The following KDM3A variants were observed in gnomAD, a reference collection of about 807,000 sequenced individuals.
KDM3A encodes the protein lysine demethylase 3A.
In KDM3A, 60 loss-of-function variants were observed where a neutral mutation model predicts 158.0. That is an observed-to-expected ratio of 0.38 (90% CI 0.31 to 0.47). The LOEUF (loss-of-function observed/expected upper bound fraction) is 0.47, where lower values mean the gene tolerates loss of function less well. KDM3A is among the 20% of genes least tolerant of loss of function. KDM3A has a pLI of 0.99. For synonymous variants in KDM3A, 608 were observed against 549.3 expected, an observed-to-expected ratio of 1.11 and a Z score of -1.49; for missense variants, 1,319 against 1,574.3, an observed-to-expected ratio of 0.84 and a Z score of 2.74.
At chr2:86,469,651 C>T (rs890968869) in intron 10 of KDM3A, among the ~76,000 whole-genome samples, 1 of 152,158 alleles carries the variant, frequency 6.6e-6, no homozygotes. Context: ...GGAGACATGT[C>T]AGGAGTCAAG....
At chr2:86,456,416 ATTTT>A (rs11431031) in intron 5 of KDM3A, 22 bp from the exon 6 acceptor site, 209 of 1,057,058 alleles carry the variant, frequency 2.0e-4, no homozygotes, top group South Asian at 3.0e-4. Flanking sequence ...TTGCTCTAAG[ATTTT>A]TTTTTTTTTT....
chr2:86,453,015 A>G (rs1008894367), intron 4 of KDM3A, among the ~76,000 whole-genome samples: 13 of 152,170 alleles, frequency 8.5e-5, no homozygotes, highest in Non-Finnish European at 1.5e-4. Flanking sequence ...ATTTTGCTTT[A>G]CTGAGTAATA....
intron 8 of KDM3A, among the ~76,000 whole-genome samples, chr2:86,462,168 T>C (rs552209286): frequency 6.6e-6 from 1 of 151,944 alleles, no homozygotes; most frequent in East Asian, 1.9e-4. Context: ...GATTTATTGG[T>C]TTATTGATTA....
In KDM3A at chr2:86,491,036, C is replaced by T; in HGVS notation, c.3729C>T (p.Ile1243=). 1 of 1,613,780 alleles carries T rather than the reference C, an allele frequency of 6.2e-7. No homozygotes were observed. The highest frequency in any genetic ancestry group is 1.1e-5 in the South Asian group (1 of 91,014). ...IVQFLGDVVF[I]PAGAPHQVHN... ...AGTTTCTTGGGGATGTGGTGTTTAT[C>T]CCGGCAGGAGCTCCACATCAGGCAA... Residue 1243 remains isoleucine, a synonymous_variant, in exon 24 of 26, where the codon ATC becomes ATT. Coordinates refer to ENST00000312912, the MANE Select transcript of KDM3A (RefSeq NM_018433.6).
intron 8 of KDM3A, among the ~76,000 whole-genome samples, chr2:86,462,094 T>C (rs898869764): frequency 2.6e-5 from 4 of 152,050 alleles, no homozygotes; most frequent in Non-Finnish European, 5.9e-5. Flanking sequence ...AGGGGAAAGA[T>C]GGTAGTAGTA....
At position 86,449,789 on chromosome 2, in the gene KDM3A, C is replaced by G. The variant is rs1205315066; in HGVS notation, c.187-18C>G. ...AAATTGAATCTGCTTCCCCCACCCC[C>G]CAATTTTGTCTGTCTAGGTGTGTGT... On this transcript the variant is annotated intron_variant, in intron 2 of 25. Coordinates refer to ENST00000312912, the MANE Select transcript of KDM3A (RefSeq NM_018433.6). The G allele has an allele frequency of 1.3e-6, 2 of 1,575,942 alleles. No homozygotes were observed. The highest frequency in any genetic ancestry group is 1.7e-6 in the Non-Finnish European group (2 of 1,164,990).
chr2:86,449,670 G>A, intron 2 of KDM3A, 137 bp from the exon 3 acceptor site: 2 of 896,968 alleles, frequency 2.2e-6, no homozygotes, highest in Non-Finnish European at 3.3e-6. Context: ...AGGAAGTGAG[G>A]GAGCTGGAAG....
chr2:86,445,426 C>G (rs1248784468), intron 2 of KDM3A, among the ~76,000 whole-genome samples: 1 of 152,140 alleles, frequency 6.6e-6, no homozygotes, highest in Non-Finnish European at 1.5e-5. Context: ...TGATTTTGTT[C>G]ACATAATTAT....
At chr2:86,456,420 T>TC (rs754226838) in intron 5 of KDM3A, 22 bp from the exon 6 acceptor site, 139 of 1,358,806 alleles carry the variant, frequency 1.0e-4, no homozygotes, top group Non-Finnish European at 6.6e-5. Flanking sequence ...TCTAAGATTT[T>TC]TTTTTTTTTT....
In KDM3A at chr2:86,456,374, TG is replaced by T; in HGVS notation, c.557-66del. 5 of 1,129,900 alleles carry T rather than the reference TG, an allele frequency of 4.4e-6. No homozygotes were observed. In the South Asian group the frequency reaches 8.4e-5, roughly 19 times the overall value. 70.0% of individuals were successfully genotyped at this position (1,129,900 alleles called of 1,614,324 possible). A position where few individuals can be genotyped will look rare whatever the true frequency, so the allele number is the denominator to read the frequency against. Reference sequence around the variant, plus strand: ...AAAAAGACTTAGGAAAAGATTGTCCTGGATGATGTTGCTATTGGGAGATAAT... The same window carrying T: ...AAAAAGACTTAGGAAAAGATTGTCCTGATGATGTTGCTATTGGGAGATAAT... On this transcript the variant is annotated intron_variant, in intron 5 of 25. Transcript: ENST00000312912.
chr2:86,490,153 GT>G (rs1242970618), intron 23 of KDM3A: 3 of 151,758 alleles, frequency 2.0e-5, no homozygotes, highest in South Asian at 2.1e-4. Context: ...TAGTTGGCAG[GT>G]TTTTTTTTCA....
intron 21 of KDM3A, chr2:86,488,969 C>T (rs866220366): frequency 1.4e-5 from 3 of 219,842 alleles, no homozygotes; most frequent in African/African-American, 2.3e-5. Context: ...CCTTGGACTC[C>T]CCATCTCGAG....
Position 86,466,628 on chromosome 2 carries a change from G to C in KDM3A, c.1264G>C (p.Ala422Pro). The change falls in exon 10 of 26, where the codon GCT (alanine) becomes CCT (proline). Residue 422 changes from alanine (A) to proline (P), a missense_variant. By Grantham distance (27) the Ala-to-Pro change is conservative. Transcript: ENST00000312912. ...GLPKECLPTKASSKAELEIAN... is the reference protein window; with the variant it reads ...GLPKECLPTKPSSKAELEIAN... ...TCCTAAGGAGTGCTTACCTACAAAG[G>C]CTTCTTCTAAGGCAGAATTGGAAAT... is the stretch of plus-strand genomic sequence containing the variant. 5 of 1,613,950 alleles carry C rather than the reference G, an allele frequency of 3.1e-6. No homozygotes were observed. Among genetic ancestry groups the C allele is most frequent in the South Asian group, 1.1e-5 (1 of 91,080 alleles).
At chr2:86,439,428 T>C (rs1040872898), upstream of KDM3A, among the ~76,000 whole-genome samples, 1 of 152,088 alleles carries the variant, frequency 6.6e-6, no homozygotes, top group African/African-American at 2.4e-5. Flanking sequence ...TTCTTTCTTA[T>C]ACTCGCCCAG....
intron 11 of KDM3A, among the ~76,000 whole-genome samples, chr2:86,471,872 A>ATC (rs1673429719): frequency 6.6e-6 from 1 of 152,222 alleles, no homozygotes; most frequent in Admixed American, 6.5e-5. Context: ...CTGGCCCAGA[A>ATC]TAAGCTGTTA....
At chr2:86,481,378 A>G (rs1361927119) in intron 16 of KDM3A, among the ~76,000 whole-genome samples, 1 of 152,062 alleles carries the variant, frequency 6.6e-6, no homozygotes, top group Non-Finnish European at 1.5e-5. Context: ...TCAGCCTCCT[A>G]AATAGCTAGG....
Position 86,466,382 on chromosome 2 carries a change from C to T in KDM3A, c.1018C>T (p.Gln340Ter). ...TATTATATTTTTCAGATGTCATAAA[C>T]AAAGTTTACCAGAGGAAATTTCTTC... The part of the protein sequence containing the change: ...GAKIPQGCHK[Q>*]SLPEEISSCL... The change falls in exon 10 of 26, where the codon CAA becomes TAA. Residue 340 changes from glutamine to a stop codon, truncating the protein, a stop_gained. Coordinates refer to ENST00000312912, the MANE Select transcript of KDM3A (RefSeq NM_018433.6). LOFTEE classifies it high-confidence loss of function. 1 of 1,607,692 alleles carries T rather than the reference C, an allele frequency of 6.2e-7. No individual in the cohort carries two copies.
chr2:86,447,384 A>G (rs932255512), intron 2 of KDM3A, among the ~76,000 whole-genome samples: 6 of 148,542 alleles, frequency 4.0e-5, no homozygotes, highest in African/African-American at 1.5e-4. Flanking sequence ...TTAGATAGTG[A>G]TCTGGTAAGA....
intron 2 of KDM3A, among the ~76,000 whole-genome samples, chr2:86,447,454 C>T (rs1201324222): frequency 1.3e-4 from 18 of 133,574 alleles, no homozygotes; most frequent in Admixed American, 1.1e-3. Context: ...CTTAATTCTG[C>T]ACTTTTTTTT....
Sources: allele counts gnomAD v4.1 joint callset (sites outside exome capture counted in the v4.1 genomes callset), GRCh38; gene constraint gnomAD v4.1.1; transcripts MANE v1.5; gene names NCBI Gene and HGNC (gene_info 2026-07-23, HGNC 2026-07-21).